The following SORCS3 variants were observed in gnomAD, a reference collection of about 807,000 sequenced individuals.
The protein encoded by SORCS3 is VPS10 domain-containing receptor SorCS3.
Under a neutral mutation model 146.3 loss-of-function variants are expected in SORCS3, and 57 were observed. That is an observed-to-expected ratio of 0.39 (90% CI 0.31 to 0.49). The LOEUF (loss-of-function observed/expected upper bound fraction) is 0.49. SORCS3 is among the 20% of genes least tolerant of loss of function. The pLI, the probability that SORCS3 is intolerant of heterozygous loss-of-function variation, is 0.92. For missense variants in SORCS3, 1,341 were observed against 1,575.5 expected, an observed-to-expected ratio of 0.85 and a Z score of 2.52; for synonymous variants, 653 against 618.5, an observed-to-expected ratio of 1.06 and a Z score of -0.83.
At chr10:104,905,677 A>G (rs1289153471) in intron 2 of SORCS3, among the ~76,000 whole-genome samples, 3 of 152,224 alleles carry the variant, frequency 2.0e-5, no homozygotes, top group African/African-American at 7.2e-5. Flanking sequence ...AAATAATGGC[A>G]TAAAACAACA....
At chr10:104,744,034 C>T (rs2016880060) in intron 1 of SORCS3, among the ~76,000 whole-genome samples, 1 of 152,200 alleles carries the variant, frequency 6.6e-6, no homozygotes, top group Admixed American at 6.5e-5. Context: ...TTGATCTTCA[C>T]AACACTGTGA....
In SORCS3 at chr10:105,212,830, A is replaced by C. The variant is rs59593987; in HGVS notation, c.2375+1580A>C. ...AAATACCTATCATCAGTAAAAACTGAGTGTCTTGTAACTATGCATCCTGAG... is the reference window on the plus strand; with the variant it reads ...AAATACCTATCATCAGTAAAAACTGCGTGTCTTGTAACTATGCATCCTGAG... On this transcript the variant is annotated intron_variant, in intron 17 of 26. Transcript: ENST00000369701. Among the ~76,000 whole-genome samples, 16 of 152,316 alleles carry C rather than the reference A, an allele frequency of 1.1e-4. No homozygotes were observed. In the East Asian group the frequency reaches 3.1e-3, roughly 29 times the overall value.
chr10:104,869,240 T>A (rs2451492), intron 2 of SORCS3, among the ~76,000 whole-genome samples: 123,086 of 152,166 alleles, frequency 0.81, 49,975 homozygotes, highest in East Asian at 0.98. Context: ...GGCTGAAAAG[T>A]TTCACAATGT....
At chr10:104,948,764 C>T (rs146833862) in intron 3 of SORCS3, among the ~76,000 whole-genome samples, 276 of 152,288 alleles carry the variant, frequency 1.8e-3, no homozygotes, top group Middle Eastern at 0.01. Flanking sequence ...TCAAACAGGT[C>T]AGATTACTCC....
intron 1 of SORCS3, among the ~76,000 whole-genome samples, chr10:104,709,699 G>A (rs1384029579): frequency 6.6e-6 from 1 of 152,104 alleles, no homozygotes; most frequent in Non-Finnish European, 1.5e-5. Context: ...CCACACTTAG[G>A]CTTAACTAAT....
chr10:105,160,319 A>G (rs969672087), intron 11 of SORCS3, among the ~76,000 whole-genome samples: 1 of 152,316 alleles, frequency 6.6e-6, no homozygotes, highest in East Asian at 1.9e-4. Context: ...ATAATGAAAC[A>G]ATGAATTTAA....
intron 4 of SORCS3, among the ~76,000 whole-genome samples, chr10:105,024,300 C>T (rs1193820874): frequency 1.3e-5 from 2 of 152,040 alleles, no homozygotes; most frequent in Non-Finnish European, 2.9e-5. Flanking sequence ...GTGGCACACT[C>T]TTTTTTTTGT....
At chr10:105,204,719 A>G (rs1189509746) in intron 16 of SORCS3, among the ~76,000 whole-genome samples, 1 of 151,800 alleles carries the variant, frequency 6.6e-6, no homozygotes, top group Non-Finnish European at 1.5e-5. Flanking sequence ...AACTCACACG[A>G]CCTATAAAGT....
At chr10:105,232,564 CT>C (rs1406597763) in intron 20 of SORCS3, among the ~76,000 whole-genome samples, 2 of 150,984 alleles carry the variant, frequency 1.3e-5, no homozygotes, top group East Asian at 3.9e-4. Flanking sequence ...TTTATTATTT[CT>C]TTTTTTCTGC....
At chr10:105,073,896 G>A (rs1325876806) in intron 5 of SORCS3, among the ~76,000 whole-genome samples, 4 of 152,052 alleles carry the variant, frequency 2.6e-5, no homozygotes, top group African/African-American at 9.7e-5. Context: ...AGTTTGATCT[G>A]TGTGTGTGTA....
chr10:104,962,774 G>T (rs904676941), intron 3 of SORCS3, among the ~76,000 whole-genome samples: 4 of 152,100 alleles, frequency 2.6e-5, no homozygotes, highest in African/African-American at 4.8e-5. Flanking sequence ...CGAAAATTTG[G>T]GGAAAATAGA....
intron 14 of SORCS3, among the ~76,000 whole-genome samples, chr10:105,189,860 G>T (rs1025774416): frequency 3.3e-5 from 5 of 152,168 alleles, no homozygotes; most frequent in Admixed American, 6.5e-5. Context: ...TTCCCAACTG[G>T]AGGCTAAGCC....
At chr10:105,236,075 T>C (rs528453169) in intron 20 of SORCS3, among the ~76,000 whole-genome samples, 9 of 152,258 alleles carry the variant, frequency 5.9e-5, no homozygotes, top group Admixed American at 2.0e-4. Context: ...TATATGTGCC[T>C]CATATTTTCA....
At chr10:105,177,362 G>C (rs1012765304) in intron 13 of SORCS3, among the ~76,000 whole-genome samples, 1 of 152,134 alleles carries the variant, frequency 6.6e-6, no homozygotes, top group Admixed American at 6.5e-5. Flanking sequence ...ATGCCCCCTG[G>C]TTAAATCAAG....
chr10:105,178,880 G>A (rs546528784), intron 14 of SORCS3, among the ~76,000 whole-genome samples: 2 of 152,294 alleles, frequency 1.3e-5, no homozygotes, highest in African/African-American at 4.8e-5. Context: ...AAAATTAAGG[G>A]ATATTTGCTA....
rs150538907 is a variant in SORCS3, at chr10:104,904,748, A to G, written c.696-11085A>G. Among the ~76,000 whole-genome samples, 4 of 151,812 alleles carry G rather than the reference A, an allele frequency of 2.6e-5. No individual in the cohort carries two copies. The East Asian group carries it at 7.7e-4, about 29-fold the overall frequency. ...TAAAGAAAAACACACCAAAATGTTA[A>G]CTGAGTTTTTCTATATGATGTGGCT... On this transcript the variant is annotated intron_variant, in intron 2 of 26. Transcript: ENST00000369701.
At position 105,018,216 on chromosome 10, in the gene SORCS3, C is replaced by T. The variant is rs184586120; in HGVS notation, c.955-24839C>T. ...GGTGTTTTTGTTCTCAGGCGACGTT[C>T]CCCTCAGAGGGGCAGGATGGCTGCT... On this transcript the variant is annotated intron_variant, in intron 4 of 26. Transcript: ENST00000369701. Among the ~76,000 whole-genome samples, 19 of 152,324 alleles carry T rather than the reference C, an allele frequency of 1.2e-4. No homozygotes were observed. In the East Asian group the frequency reaches 2.7e-3, roughly 22 times the overall value.
At chr10:104,745,995 G>T (rs1456214689) in intron 1 of SORCS3, among the ~76,000 whole-genome samples, 3 of 152,064 alleles carry the variant, frequency 2.0e-5, no homozygotes, top group African/African-American at 7.2e-5. Context: ...GGACACTTAG[G>T]TTGCATCCAT....
At chr10:104,672,034 A>G (rs2015861585) in intron 1 of SORCS3, among the ~76,000 whole-genome samples, 1 of 152,146 alleles carries the variant, frequency 6.6e-6, no homozygotes, top group South Asian at 2.1e-4. Flanking sequence ...TTTTTTGGAA[A>G]AGTTTAAGAA....
Sources: allele counts gnomAD v4.1 joint callset (sites outside exome capture counted in the v4.1 genomes callset), GRCh38; gene constraint gnomAD v4.1.1; transcripts MANE v1.5; gene names NCBI Gene and HGNC (gene_info 2026-07-23, HGNC 2026-07-21).